Variants in ME1 observed in about 807,000 individuals in gnomAD.
ME1 encodes the protein NADP-dependent malic enzyme.
Under a neutral mutation model 66.4 loss-of-function variants are expected in ME1, and 74 were observed. The ratio of observed to expected loss-of-function variants is 1.11; its 90% confidence interval spans 0.92 to 1.35. ME1 has a LOEUF of 1.35. Ranked by LOEUF, ME1 falls within the 40% of genes most tolerant of loss-of-function variation. The probability of loss-of-function intolerance (pLI) is 0.00; values close to 1 mark genes in which losing one functional copy is unlikely to be tolerated. For synonymous variants in ME1, 251 were observed against 235.6 expected, an observed-to-expected ratio of 1.07 and a Z score of -0.60; for missense variants, 750 against 694.1, an observed-to-expected ratio of 1.08 and a Z score of -0.90.
chr6:83,235,693 C>T (rs1279721969), intron 9 of ME1, among the ~76,000 whole-genome samples: 8 of 152,002 alleles, frequency 5.3e-5, no homozygotes, highest in Admixed American at 2.6e-4. Context: ...AGGATGGTCT[C>T]GATCTCCTGA....
At chr6:83,401,448 C>T (rs571317226) in intron 2 of ME1, among the ~76,000 whole-genome samples, 195 of 152,104 alleles carry the variant, frequency 1.3e-3, no homozygotes, top group African/African-American at 4.5e-3. Flanking sequence ...CAATATATAT[C>T]GAGGAACAGT....
chr6:83,378,040 A>G (rs1413465518), intron 3 of ME1, among the ~76,000 whole-genome samples: 1 of 152,048 alleles, frequency 6.6e-6, no homozygotes, highest in African/African-American at 2.4e-5. Flanking sequence ...CCCCATACCC[A>G]GGGGAGGAAG....
intron 6 of ME1, among the ~76,000 whole-genome samples, chr6:83,302,262 G>A (rs1023997713): frequency 2.0e-5 from 3 of 152,000 alleles, no homozygotes; most frequent in African/African-American, 7.2e-5. Context: ...AAGAACATGT[G>A]AACACAAAGA....
At chr6:83,319,083 CAT>C (rs1768098711) in intron 5 of ME1, among the ~76,000 whole-genome samples, 3 of 150,082 alleles carry the variant, frequency 2.0e-5, no homozygotes. Flanking sequence ...TGTTCTCACT[CAT>C]AGGTGGGAAC....
At chr6:83,215,461 C>G (rs144314832) in intron 13 of ME1, among the ~76,000 whole-genome samples, 1 of 152,304 alleles carries the variant, frequency 6.6e-6, no homozygotes, top group African/African-American at 2.4e-5. Context: ...CATATAACTA[C>G]TGTCATGGCT....
Position 83,224,683 on chromosome 6 carries a change from CAAA to C in ME1, c.1276-753_1276-751del, listed in dbSNP as rs58210396. Among the ~76,000 whole-genome samples, 10 of 102,804 alleles carry C rather than the reference CAAA, an allele frequency of 9.7e-5. 1 individual carries two copies. The highest frequency in any genetic ancestry group is 2.6e-4 in the African/African-American group (8 of 31,114). 67.4% of individuals were successfully genotyped at this position (102,804 alleles called of 152,430 possible). A position where few individuals can be genotyped will look rare whatever the true frequency, so the allele number is the denominator to read the frequency against. ...TGGGCGACAAAGCAAGATTCCAGCT[CAAA>C]AAAAAAAAAAATAAAAATAATAATA... On this transcript the variant is annotated intron_variant, in intron 11 of 13. Transcript: ENST00000369705.
intron 5 of ME1, among the ~76,000 whole-genome samples, chr6:83,340,617 G>GTAAGTGGTGAAACTGGGAGCA (rs1483539563): frequency 9.0e-4 from 137 of 151,816 alleles, no homozygotes; most frequent in African/African-American, 3.1e-3. Flanking sequence ...AACACCACTA[G>GTAAGTGGTGAAACTGGGAGCA]TAAGTGGTGA....
intron 1 of ME1, among the ~76,000 whole-genome samples, chr6:83,418,414 C>T (rs1770202477): frequency 1.3e-5 from 2 of 152,060 alleles, no homozygotes; most frequent in South Asian, 2.1e-4. Flanking sequence ...AATTTGATGT[C>T]CCAGCTTCAG....
intron 6 of ME1, among the ~76,000 whole-genome samples, chr6:83,269,116 A>G (rs1767041497): frequency 6.6e-6 from 1 of 152,144 alleles, no homozygotes; most frequent in African/African-American, 2.4e-5. Flanking sequence ...GGTAAGTGTT[A>G]CTATAGTATG....
chr6:83,362,515 G>A (rs369151281), intron 3 of ME1, among the ~76,000 whole-genome samples: 5 of 152,192 alleles, frequency 3.3e-5, no homozygotes, highest in African/African-American at 7.2e-5. Context: ...CGGAGGTTAC[G>A]TATGGGCTCA....
In ME1 at chr6:83,237,274, A is replaced by AGAAAGAAAGAGAAAGAAAGGAAG. The variant is rs1554262978; in HGVS notation, c.1026+442_1026+443insCTTCCTTTCTTTCTCTTTCTTTC. ...AAGAAAGAAAGAAAGAAAGAAAGAA[A>AGAAAGAAAGAGAAAGAAAGGAAG]GAAAGGAAGGAAGGAAGGAAAGAAA... On this transcript the variant is annotated intron_variant, in intron 9 of 13. Coordinates refer to ENST00000369705, the MANE Select transcript of ME1 (RefSeq NM_002395.6). 8.4e-5 allele frequency among the ~76,000 whole-genome samples: 7 copies of AGAAAGAAAGAGAAAGAAAGGAAG among 83,676 alleles called. 1 individual carries two copies. 54.9% of individuals were successfully genotyped at this position (83,676 alleles called of 152,430 possible).
chr6:83,253,113 G>T (rs1354725818), intron 7 of ME1, among the ~76,000 whole-genome samples: 1 of 152,026 alleles, frequency 6.6e-6, no homozygotes, highest in Non-Finnish European at 1.5e-5. Context: ...TGTGTATTGG[G>T]GGGTGGGCTC....
chr6:83,387,951 C>T (rs971591633), intron 3 of ME1, among the ~76,000 whole-genome samples: 7 of 152,062 alleles, frequency 4.6e-5, no homozygotes, highest in African/African-American at 1.7e-4. Flanking sequence ...CATCATCTAC[C>T]AAGTTCCAGA....
intron 6 of ME1, among the ~76,000 whole-genome samples, chr6:83,314,777 G>T (rs1188866302): frequency 6.6e-6 from 1 of 152,058 alleles, no homozygotes; most frequent in Non-Finnish European, 1.5e-5. Context: ...AAATATTATA[G>T]ATTTAATCAG....
intron 9 of ME1, among the ~76,000 whole-genome samples, chr6:83,236,195 C>T (rs1483090598): frequency 6.6e-6 from 1 of 151,920 alleles, no homozygotes; most frequent in Admixed American, 6.6e-5. Flanking sequence ...GACAATCATC[C>T]TTTATTTAGG....
At chr6:83,308,897 T>C (rs988422882) in intron 6 of ME1, among the ~76,000 whole-genome samples, 14 of 151,926 alleles carry the variant, frequency 9.2e-5, no homozygotes, top group South Asian at 4.2e-4. Flanking sequence ...AAAAGGATAT[T>C]TGAGGAAATG....
chr6:83,300,250 G>A (rs1002799834), intron 6 of ME1, among the ~76,000 whole-genome samples: 2 of 151,962 alleles, frequency 1.3e-5, no homozygotes, highest in African/African-American at 2.4e-5. Flanking sequence ...TCTTAATAAA[G>A]ACTTAAATAT....
intron 3 of ME1, among the ~76,000 whole-genome samples, chr6:83,381,398 CTTT>C (rs386359179): frequency 1.4e-5 from 2 of 140,464 alleles, no homozygotes. Context: ...TTAAGAAATT[CTTT>C]TTTTTTTTTT....
At chr6:83,300,582 TTTTTC>T (rs898267483) in intron 6 of ME1, among the ~76,000 whole-genome samples, 2 of 151,096 alleles carry the variant, frequency 1.3e-5, no homozygotes, top group African/African-American at 4.9e-5. Context: ...TCAACAAATA[TTTTTC>T]TTTTATTTTC....
Sources: gnomAD v4.1 joint callset for allele counts (sites outside exome capture counted in the v4.1 genomes callset) on GRCh38, gnomAD v4.1.1 for gene constraint, MANE v1.5 for transcripts, NCBI Gene and HGNC (gene_info 2026-07-23, HGNC 2026-07-21) for gene names.